The following CCSER1 variants were observed in gnomAD, a reference collection of about 807,000 sequenced individuals.
The protein encoded by CCSER1 is serine-rich coiled-coil domain-containing protein 1.
CCSER1 carries 41 observed loss-of-function variants against 82.0 expected under a neutral mutation model. The ratio of observed to expected loss-of-function variants is 0.50; its 90% CI spans 0.39 to 0.65. The LOEUF is 0.65. CCSER1 is among the 30% of genes least tolerant of loss of function. CCSER1 has a pLI of 0.00. For synonymous variants in CCSER1, 414 were observed against 383.9 expected (o/e 1.08, Z -0.92); for missense variants, 1,119 against 1,064.2 (o/e 1.05, Z -0.72).
intron 1 of CCSER1, among the ~76,000 whole-genome samples, chr4:90,142,595 A>C (rs1724998242): frequency 6.6e-6 from 1 of 151,782 alleles, no homozygotes; most frequent in South Asian, 2.1e-4. Context: ...TGCACAATAC[A>C]GCAGAGGGAT....
intron 1 of CCSER1, among the ~76,000 whole-genome samples, chr4:90,241,833 C>A (rs925669450): frequency 6.6e-6 from 1 of 152,016 alleles, no homozygotes; most frequent in African/African-American, 2.4e-5. Flanking sequence ...ATAGGTGATG[C>A]TATAAAAACT....
chr4:90,419,272 C>T (rs1756315765), intron 4 of CCSER1, among the ~76,000 whole-genome samples: 1 of 151,902 alleles, frequency 6.6e-6, no homozygotes. Flanking sequence ...GATACAATAC[C>T]TGTTATCTGC....
chr4:90,142,760 ATTTC>A (rs1725034387), intron 1 of CCSER1, among the ~76,000 whole-genome samples: 1 of 150,766 alleles, frequency 6.6e-6, no homozygotes, highest in African/African-American at 2.4e-5. Context: ...TCTCTGTATT[ATTTC>A]TTTTCTTTAC....
At chr4:91,585,995 A>G (rs996276687) in intron 10 of CCSER1, among the ~76,000 whole-genome samples, 5 of 151,668 alleles carry the variant, frequency 3.3e-5, no homozygotes, top group Non-Finnish European at 7.4e-5. Context: ...TAGTGGATAA[A>G]GTAGTACAAG....
rs569695094 is a variant in CCSER1, at chr4:90,640,180, T to C, written c.1932+11948T>C. 5.3e-5 allele frequency among the ~76,000 whole-genome samples: 8 copies of C among 152,254 alleles called. No homozygotes were observed. In the South Asian group the frequency reaches 6.2e-4, roughly 12 times the overall value. On this transcript the variant is annotated intron_variant, in intron 6 of 10. Transcript: ENST00000509176. Reference sequence around the variant, plus strand: ...AATAAGCTTTAGGAATTTCAATATATAAAACAACCTATTCTAAGTGTTAAC... The same window carrying C: ...AATAAGCTTTAGGAATTTCAATATACAAAACAACCTATTCTAAGTGTTAAC...
rs930780455 is a variant in CCSER1, at chr4:90,960,201, G to T, written c.2172+36754G>T. Among the ~76,000 whole-genome samples, 8 of 151,930 alleles carry T rather than the reference G, an allele frequency of 5.3e-5. No homozygotes were observed. The East Asian group carries it at 7.7e-4, about 15-fold the overall frequency. ...ATTTTTTTTAAAAAAAGGATTTTAC[G>T]TAATGCTTTTATATGCAAAACATCA... On this transcript the variant is annotated intron_variant, in intron 9 of 10. Coordinates refer to ENST00000509176, the MANE Select transcript of CCSER1 (RefSeq NM_001145065.2).
intron 9 of CCSER1, among the ~76,000 whole-genome samples, chr4:90,989,744 G>A (rs751948253): frequency 2.7e-4 from 41 of 151,652 alleles, no homozygotes; most frequent in Admixed American, 4.6e-4. Context: ...AGATAGTACT[G>A]CAAAAGCTCC....
chr4:90,930,301 T>C (rs1729573087), intron 9 of CCSER1, among the ~76,000 whole-genome samples: 1 of 152,034 alleles, frequency 6.6e-6, no homozygotes, highest in Non-Finnish European at 1.5e-5. Context: ...CTAAGTGAGA[T>C]TATATAATAA....
At chr4:91,180,522 C>T (rs529918358) in intron 10 of CCSER1, among the ~76,000 whole-genome samples, 1 of 152,332 alleles carries the variant, frequency 6.6e-6, no homozygotes, top group Admixed American at 6.5e-5. Context: ...GACGCCCCTT[C>T]CCCAGCCTGG....
chr4:90,764,601 C>T (rs771960822), intron 7 of CCSER1, among the ~76,000 whole-genome samples: 1 of 151,966 alleles, frequency 6.6e-6, no homozygotes, highest in Non-Finnish European at 1.5e-5. Context: ...ATAATGTTTT[C>T]TCTGTAAGAA....
intron 10 of CCSER1, among the ~76,000 whole-genome samples, chr4:91,262,261 G>A (rs977119155): frequency 6.6e-6 from 1 of 151,964 alleles, no homozygotes; most frequent in Non-Finnish European, 1.5e-5. Flanking sequence ...TAAGTTTCTT[G>A]TGAGTTTACA....
intron 5 of CCSER1, among the ~76,000 whole-genome samples, chr4:90,511,866 G>A (rs1771580057): frequency 6.6e-6 from 1 of 152,118 alleles, no homozygotes; most frequent in African/African-American, 2.4e-5. Context: ...AAAGAACCCA[G>A]ACAAAGAGGT....
At chr4:90,514,306 A>G (rs1259714718) in intron 5 of CCSER1, among the ~76,000 whole-genome samples, 4 of 152,158 alleles carry the variant, frequency 2.6e-5, no homozygotes, top group African/African-American at 9.7e-5. Flanking sequence ...TTATCAGTGC[A>G]TTGCCTTTGA....
chr4:91,235,390 G>A (rs556937027), intron 10 of CCSER1, among the ~76,000 whole-genome samples: 1 of 152,240 alleles, frequency 6.6e-6, no homozygotes, highest in East Asian at 1.9e-4. Flanking sequence ...AATGCACTCA[G>A]AAGAAATAGA....
chr4:91,201,718 G>C (rs561785698), intron 10 of CCSER1, among the ~76,000 whole-genome samples: 22 of 152,142 alleles, frequency 1.4e-4, no homozygotes, highest in Admixed American at 1.3e-3. Flanking sequence ...GTATTGGTTG[G>C]TGGCATATGT....
chr4:91,563,473 C>T (rs1330286125), intron 10 of CCSER1, among the ~76,000 whole-genome samples: 1 of 151,692 alleles, frequency 6.6e-6, no homozygotes, highest in Non-Finnish European at 1.5e-5. Context: ...AAAAAGTCAA[C>T]ATCCTTTCAT....
intron 10 of CCSER1, among the ~76,000 whole-genome samples, chr4:91,306,861 A>G (rs941943644): frequency 3.9e-5 from 6 of 151,982 alleles, no homozygotes; most frequent in Non-Finnish European, 5.9e-5. Context: ...AAGTCATTTT[A>G]TTCCTTTTGT....
At chr4:90,142,456 A>T (rs762340345) in intron 1 of CCSER1, among the ~76,000 whole-genome samples, 20 of 152,204 alleles carry the variant, frequency 1.3e-4, no homozygotes, top group South Asian at 8.3e-4. Context: ...CTCCAACATG[A>T]TGGGTAAATA....
intron 3 of CCSER1, among the ~76,000 whole-genome samples, chr4:90,340,733 A>G (rs1419670136): frequency 2.0e-5 from 3 of 152,232 alleles, no homozygotes; most frequent in Non-Finnish European, 2.9e-5. Flanking sequence ...AAACATTCCC[A>G]TAAGGTTTAC....
Sources: gnomAD v4.1 joint callset for allele counts (sites outside exome capture counted in the v4.1 genomes callset) on GRCh38, gnomAD v4.1.1 for gene constraint, MANE v1.5 for transcripts, NCBI Gene and HGNC (gene_info 2026-07-23, HGNC 2026-07-21) for gene names.